Variants in LRP1B observed in about 807,000 individuals in gnomAD.
LRP1B encodes low-density lipoprotein receptor-related protein 1B.
LRP1B carries 217 observed loss-of-function variants against 556.6 expected under a neutral mutation model. The observed-to-expected ratio is 0.39, with a 90% CI of 0.35 to 0.44. The LOEUF (loss-of-function observed/expected upper bound fraction) is 0.44. Among genes scored for constraint, LRP1B ranks in the 20% least tolerant of loss-of-function variants. The probability of loss-of-function intolerance (pLI) is 1.00; values close to 1 mark genes in which losing one functional copy is unlikely to be tolerated. For synonymous variants in LRP1B, 2,047 were observed against 1,865.8 expected, an observed-to-expected ratio of 1.10 and a Z score of -2.50; for missense variants, 5,053 against 5,620.8, an observed-to-expected ratio of 0.90 and a Z score of 3.23.
chr2:141,560,184 T>G (rs1423959806), intron 2 of LRP1B, among the ~76,000 whole-genome samples: 2 of 151,846 alleles, frequency 1.3e-5, no homozygotes, highest in East Asian at 1.9e-4. Flanking sequence ...ATTAGCTACC[T>G]AACTATTCCA....
intron 41 of LRP1B, among the ~76,000 whole-genome samples, chr2:140,608,955 C>T (rs1386172036): frequency 2.0e-5 from 3 of 152,116 alleles, no homozygotes; most frequent in Non-Finnish European, 2.9e-5. Context: ...TCAGACATGT[C>T]TCAAGAATTG....
intron 7 of LRP1B, among the ~76,000 whole-genome samples, chr2:141,149,864 T>A (rs1203039769): frequency 6.6e-6 from 1 of 152,210 alleles, no homozygotes; most frequent in Non-Finnish European, 1.5e-5. Context: ...CTGTGCTATG[T>A]ATAGACAAGA....
chr2:141,942,841 T>C (rs1218572600), intron 1 of LRP1B, among the ~76,000 whole-genome samples: 1 of 152,200 alleles, frequency 6.6e-6, no homozygotes, highest in Non-Finnish European at 1.5e-5. Flanking sequence ...AATGCCTTGC[T>C]TCAGGGTCCT....
intron 2 of LRP1B, among the ~76,000 whole-genome samples, chr2:141,731,022 C>T (rs981562760): frequency 3.3e-5 from 5 of 152,144 alleles, no homozygotes; most frequent in South Asian, 4.2e-4. Context: ...TGACTCCCAA[C>T]GGGGGGTGTG....
chr2:141,960,306 C>T (rs1401752303), intron 1 of LRP1B, among the ~76,000 whole-genome samples: 1 of 149,514 alleles, frequency 6.7e-6, no homozygotes, highest in East Asian at 1.9e-4. Flanking sequence ...ACTCTTGATG[C>T]CCCCAGCCAC....
chr2:141,141,680 C>A (rs1041975324), intron 7 of LRP1B, among the ~76,000 whole-genome samples: 2 of 152,070 alleles, frequency 1.3e-5, no homozygotes, highest in African/African-American at 4.8e-5. Context: ...AGGAAGTAAT[C>A]TTTGCTTATA....
intron 43 of LRP1B, among the ~76,000 whole-genome samples, chr2:140,545,664 T>A (rs7581067): frequency 0.43 from 65,602 of 151,802 alleles, 15,072 homozygotes; most frequent in East Asian, 0.58. Context: ...TGTATGAGTA[T>A]CTTGCTGTTT....
At chr2:140,805,808 G>GAT (rs568170920) in intron 32 of LRP1B, among the ~76,000 whole-genome samples, 264 of 152,202 alleles carry the variant, frequency 1.7e-3, no homozygotes, top group African/African-American at 6.1e-3. Context: ...TAGATAAAGA[G>GAT]ATATATATAA....
At chr2:141,287,294 T>C (rs1685756789) in intron 3 of LRP1B, among the ~76,000 whole-genome samples, 3 of 151,814 alleles carry the variant, frequency 2.0e-5, no homozygotes, top group South Asian at 4.1e-4. Context: ...TATAGGGCAT[T>C]AATTTTTGAC....
chr2:141,260,233 A>G (rs965492963), intron 3 of LRP1B, among the ~76,000 whole-genome samples: 2 of 152,214 alleles, frequency 1.3e-5, no homozygotes, highest in Non-Finnish European at 2.9e-5. Flanking sequence ...TCTATAAAAT[A>G]CAAATATCAC....
intron 25 of LRP1B, among the ~76,000 whole-genome samples, chr2:140,881,594 G>A (rs1375619359): frequency 1.3e-5 from 2 of 151,712 alleles, no homozygotes; most frequent in African/African-American, 2.4e-5. Flanking sequence ...CCAAACTCTA[G>A]TCATTTATTC....
At chr2:141,157,746 C>T (rs963096885) in intron 7 of LRP1B, among the ~76,000 whole-genome samples, 2 of 152,074 alleles carry the variant, frequency 1.3e-5, no homozygotes, top group Admixed American at 6.6e-5. Context: ...ATTTGTTTAA[C>T]ATCGCTGAGA....
At chr2:140,746,142 A>G (rs1003872438) in intron 35 of LRP1B, among the ~76,000 whole-genome samples, 1 of 152,092 alleles carries the variant, frequency 6.6e-6, no homozygotes, top group Non-Finnish European at 1.5e-5. Context: ...AAATTTCATA[A>G]ATAAACACCT....
intron 46 of LRP1B, among the ~76,000 whole-genome samples, chr2:140,535,783 C>T (rs569981983): frequency 1.7e-4 from 26 of 152,184 alleles, no homozygotes; most frequent in African/African-American, 6.3e-4. Context: ...ATCTCAGTTG[C>T]TTACTAGAGT....
chr2:140,852,034 C>G (rs1484727554), intron 27 of LRP1B, among the ~76,000 whole-genome samples: 1 of 152,154 alleles, frequency 6.6e-6, no homozygotes, highest in African/African-American at 2.4e-5. Context: ...CATCCTATTG[C>G]TTCGAGGTAG....
chr2:141,036,585 A>G (rs1698538829), intron 11 of LRP1B, among the ~76,000 whole-genome samples: 1 of 152,106 alleles, frequency 6.6e-6, no homozygotes, highest in African/African-American at 2.4e-5. Flanking sequence ...CCAAAGGCAA[A>G]GTAAGCTGCA....
intron 86 of LRP1B, among the ~76,000 whole-genome samples, chr2:140,255,994 T>A (rs72910139): frequency 0.039 from 5,898 of 152,276 alleles, 124 homozygotes; most frequent in South Asian, 0.083. Flanking sequence ...GTAAATTGTG[T>A]ATCATTCAGT....
chr2:141,137,280 G>A (rs1163423433), intron 7 of LRP1B, among the ~76,000 whole-genome samples: 1 of 151,888 alleles, frequency 6.6e-6, no homozygotes, highest in African/African-American at 2.4e-5. Flanking sequence ...GGAGAAAAGT[G>A]CCCACATATC....
intron 9 of LRP1B, among the ~76,000 whole-genome samples, chr2:141,055,882 C>T (rs971565071): frequency 4.2e-5 from 6 of 143,026 alleles, no homozygotes; most frequent in African/African-American, 1.3e-4. Context: ...GAAATTGAGG[C>T]GTAGAAGAAT....
Sources: allele counts gnomAD v4.1 joint callset (sites outside exome capture counted in the v4.1 genomes callset), GRCh38; gene constraint gnomAD v4.1.1; transcripts MANE v1.5; gene names NCBI Gene and HGNC (gene_info 2026-07-23, HGNC 2026-07-21).